RABGAP1L: variants seen among roughly 807,000 people sequenced by gnomAD.
RABGAP1L encodes the protein RAB GTPase activating protein 1 like, also known as rab GTPase-activating protein 1-like.
In RABGAP1L, 63 loss-of-function variants were observed where a neutral mutation model predicts 137.7. That is an observed-to-expected ratio of 0.46 (90% CI 0.37 to 0.56). RABGAP1L has a LOEUF of 0.56. Among genes scored for constraint, RABGAP1L ranks in the 20% least tolerant of loss-of-function variants. The probability of loss-of-function intolerance (pLI) is 0.00; values close to 1 mark genes in which losing one functional copy is unlikely to be tolerated. For missense variants in RABGAP1L, 1,095 were observed against 1,244.0 expected, an observed-to-expected ratio of 0.88 and a Z score of 1.80; for synonymous variants, 431 against 433.7, an observed-to-expected ratio of 0.99 and a Z score of 0.08.
chr1:174,902,185 A>G (rs1658255760), intron 19 of RABGAP1L, among the ~76,000 whole-genome samples: 1 of 152,170 alleles, frequency 6.6e-6, no homozygotes, highest in Non-Finnish European at 1.5e-5. Context: ...CCACCCAAAG[A>G]AGCAGTCTGG....
chr1:174,642,322 A>G (rs1674590211), intron 14 of RABGAP1L, among the ~76,000 whole-genome samples: 1 of 151,968 alleles, frequency 6.6e-6, no homozygotes, highest in Admixed American at 6.5e-5. Flanking sequence ...ATTTTTATCA[A>G]AAAGATTGGA....
intron 13 of RABGAP1L, among the ~76,000 whole-genome samples, chr1:174,502,279 C>T (rs563599339): frequency 2.0e-5 from 3 of 151,562 alleles, no homozygotes; most frequent in Admixed American, 2.0e-4. Flanking sequence ...TTGACAGATT[C>T]GTCTCTGGAG....
chr1:174,871,308 A>G (rs2149054162), intron 19 of RABGAP1L, among the ~76,000 whole-genome samples: 1 of 151,950 alleles, frequency 6.6e-6, no homozygotes, highest in East Asian at 1.9e-4. Context: ...TAATTTTTAT[A>G]CTTTTAGTAG....
intron 13 of RABGAP1L, among the ~76,000 whole-genome samples, chr1:174,608,437 G>A (rs1670947511): frequency 6.6e-6 from 1 of 152,110 alleles, no homozygotes; most frequent in Non-Finnish European, 1.5e-5. Flanking sequence ...TATTATATAA[G>A]TATATACAAC....
chr1:174,450,107 CT>C (rs371377883), intron 13 of RABGAP1L, among the ~76,000 whole-genome samples: 1 of 151,654 alleles, frequency 6.6e-6, no homozygotes, highest in Non-Finnish European at 1.5e-5. Flanking sequence ...AAAGTGATGT[CT>C]TTTTTTTGCT....
chr1:174,985,093 G>C (rs1360959018), intron 24 of RABGAP1L, among the ~76,000 whole-genome samples: 1 of 152,168 alleles, frequency 6.6e-6, no homozygotes, highest in East Asian at 1.9e-4. Context: ...GTCTTAGCCA[G>C]AATAAAGAAG....
At chr1:174,262,323 A>G (rs1673645326) in intron 7 of RABGAP1L, among the ~76,000 whole-genome samples, 1 of 152,222 alleles carries the variant, frequency 6.6e-6, no homozygotes, top group South Asian at 2.1e-4. Flanking sequence ...ATGTGGATGT[A>G]GTACTATTAC....
chr1:174,622,272 C>G lies in RABGAP1L; in HGVS notation c.1711-15103C>G, dbSNP rs188149882. Among the ~76,000 whole-genome samples the G allele has an allele frequency of 1.3e-3, 202 of 152,280 alleles. 1 individual carries two copies. The highest frequency in any genetic ancestry group is 4.6e-3 in the African/African-American group (190 of 41,542). On this transcript the variant is annotated intron_variant, in intron 13 of 25. Transcript: ENST00000681986. Reference sequence around the variant, plus strand: ...GTGTTGGTGGGACTGTAAACTAGTTCAACCATTGTGGAAGTCAGTGTGGTG... The same window carrying G: ...GTGTTGGTGGGACTGTAAACTAGTTGAACCATTGTGGAAGTCAGTGTGGTG...
At chr1:174,798,631 AG>A (rs1688461320) in intron 18 of RABGAP1L, among the ~76,000 whole-genome samples, 1 of 144,588 alleles carries the variant, frequency 6.9e-6, no homozygotes, top group Admixed American at 7.0e-5. Flanking sequence ...CTATTTATTT[AG>A]GCCTACAGAC....
rs749746690 is a variant in RABGAP1L at position 174,811,885 on chromosome 1, T to C, written c.2265T>C (p.Phe755=). 4.3e-6 allele frequency: 7 copies of C among 1,609,466 alleles called. No individual in the cohort carries two copies. Among genetic ancestry groups the C allele is most frequent in the Admixed American group, 1.7e-5 (1 of 59,694 alleles). The change falls in exon 19 of 26, where the codon TTT becomes TTC. Residue 755 remains phenylalanine, a synonymous_variant. Transcript: ENST00000681986. ...QADFEGALKF[F]RVQLPKRYRA... ...ATTTTGAAGGTGCTTTAAAGTTCTT[T>C]AGAGTTCAGCTTCCAAAGAGATACA...
chr1:174,684,727 A>G (rs1257616095), intron 15 of RABGAP1L, among the ~76,000 whole-genome samples: 1 of 152,214 alleles, frequency 6.6e-6, no homozygotes, highest in Non-Finnish European at 1.5e-5. Flanking sequence ...CTGTAATCCC[A>G]ACACTTTGGG....
intron 11 of RABGAP1L, among the ~76,000 whole-genome samples, chr1:174,344,252 T>C (rs1682242321): frequency 6.6e-6 from 1 of 152,204 alleles, no homozygotes; most frequent in Admixed American, 6.5e-5. Flanking sequence ...TCTGTAATGA[T>C]AATAACAACA....
At chr1:174,362,243 T>C (rs182346049) in intron 11 of RABGAP1L, among the ~76,000 whole-genome samples, 1 of 152,334 alleles carries the variant, frequency 6.6e-6, no homozygotes. Flanking sequence ...GCAGTGAACA[T>C]CCGTGTGCAT....
chr1:174,701,144 T>C, intron 16 of RABGAP1L: 1 of 1,304,716 alleles, frequency 7.7e-7, no homozygotes, highest in Non-Finnish European at 1.0e-6. Context: ...CTTTCAGTTA[T>C]GGTAATAGCT....
intron 12 of RABGAP1L, among the ~76,000 whole-genome samples, chr1:174,385,260 G>C (rs1686662774): frequency 1.3e-5 from 2 of 152,124 alleles, no homozygotes; most frequent in African/African-American, 4.8e-5. Context: ...TCTCTTTTCT[G>C]TGTGGCCTGA....
At chr1:174,284,734 CTTTTTT>C (rs59344382) in intron 10 of RABGAP1L, among the ~76,000 whole-genome samples, 2 of 42,610 alleles carry the variant, frequency 4.7e-5, no homozygotes, top group South Asian at 1.6e-3. Flanking sequence ...TATTTCTTGT[CTTTTTT>C]TTTTTTTTTT....
intron 11 of RABGAP1L, among the ~76,000 whole-genome samples, chr1:174,348,304 C>T (rs147300468): frequency 0.06 from 8,497 of 140,814 alleles, 811 homozygotes; most frequent in African/African-American, 0.21. Context: ...CAGTTTTTGC[C>T]ATTACTTTCA....
At chr1:174,749,479 A>T in intron 17 of RABGAP1L, among the ~76,000 whole-genome samples, 1 of 151,872 alleles carries the variant, frequency 6.6e-6, no homozygotes, top group East Asian at 2.0e-4. Flanking sequence ...ACAGGTGTGT[A>T]CCACCACACC....
chr1:174,372,700 T>G (rs561809265), intron 12 of RABGAP1L, among the ~76,000 whole-genome samples: 3 of 152,336 alleles, frequency 2.0e-5, no homozygotes, highest in East Asian at 1.9e-4. Flanking sequence ...TGTTGTTGTT[T>G]TTTTTTATTC....
Sources: allele counts gnomAD v4.1 joint callset (sites outside exome capture counted in the v4.1 genomes callset), GRCh38; gene constraint gnomAD v4.1.1; transcripts MANE v1.5; gene names NCBI Gene and HGNC (gene_info 2026-07-23, HGNC 2026-07-21).